Variants in CPA6 observed in about 807,000 individuals in gnomAD.
CPA6 encodes carboxypeptidase B.
Under a neutral mutation model 63.3 loss-of-function variants are expected in CPA6, and 58 were observed. The observed-to-expected ratio is 0.92, with a 90% confidence interval of 0.74 to 1.14. CPA6 has a LOEUF of 1.14. Among genes scored for constraint, CPA6 ranks in the 50% most tolerant of loss-of-function variants. The pLI is 0.00. For synonymous variants in CPA6, 185 were observed against 179.0 expected (o/e 1.03, Z -0.27); for missense variants, 565 against 526.6 (o/e 1.07, Z -0.71).
chr8:67,567,239 T>G (rs1402446337), intron 2 of CPA6, among the ~76,000 whole-genome samples: 1 of 152,200 alleles, frequency 6.6e-6, no homozygotes, highest in Non-Finnish European at 1.5e-5. Flanking sequence ...TACATGGGCC[T>G]GGCCAGGGCA....
intron 1 of CPA6, among the ~76,000 whole-genome samples, chr8:67,678,264 A>ACACACACAC (rs1456845314): frequency 6.3e-5 from 7 of 110,686 alleles, no homozygotes; most frequent in Non-Finnish European, 1.2e-4. Flanking sequence ...CACACACACA[A>ACACACACAC]ACCCTGATGA....
At chr8:67,542,614 T>C (rs909784703) in intron 2 of CPA6, among the ~76,000 whole-genome samples, 1 of 152,242 alleles carries the variant, frequency 6.6e-6, no homozygotes, top group African/African-American at 2.4e-5. Flanking sequence ...TTTGCCATGA[T>C]TGGTAATTTA....
chr8:67,543,004 TC>T (rs1288260458), intron 2 of CPA6, among the ~76,000 whole-genome samples: 1 of 152,258 alleles, frequency 6.6e-6, no homozygotes, highest in Non-Finnish European at 1.5e-5. Flanking sequence ...TTTGTAGTAT[TC>T]GTTAAGAACT....
chr8:67,508,260 A>G (rs1168852999), intron 5 of CPA6, among the ~76,000 whole-genome samples: 1 of 152,080 alleles, frequency 6.6e-6, no homozygotes, highest in East Asian at 1.9e-4. Flanking sequence ...TTCAGAAGAA[A>G]AAATGGTCAG....
At chr8:67,597,414 T>C (rs1378423601) in intron 2 of CPA6, among the ~76,000 whole-genome samples, 2 of 152,156 alleles carry the variant, frequency 1.3e-5, no homozygotes, top group African/African-American at 4.8e-5. Flanking sequence ...CAGGAGAGTC[T>C]CGATCTCTTG....
At chr8:67,632,155 TG>T (rs1278587389) in intron 1 of CPA6, among the ~76,000 whole-genome samples, 999 of 76,046 alleles carry the variant, frequency 0.013, 13 homozygotes, top group African/African-American at 0.069. Flanking sequence ...ATGCTGTGTG[TG>T]TGTGTGTGTG....
chr8:67,540,166 G>A (rs1378087545), intron 2 of CPA6, among the ~76,000 whole-genome samples: 2 of 151,644 alleles, frequency 1.3e-5, no homozygotes, highest in African/African-American at 4.8e-5. Context: ...TGATGTTGGT[G>A]ACCTTTGGAT....
At chr8:67,467,644 C>A (rs979679417) in intron 8 of CPA6, among the ~76,000 whole-genome samples, 1 of 152,128 alleles carries the variant, frequency 6.6e-6, no homozygotes, top group Non-Finnish European at 1.5e-5. Context: ...GCTGTAGTTT[C>A]CTAACCAGTC....
At chr8:67,478,961 C>T (rs575620265) in intron 8 of CPA6, among the ~76,000 whole-genome samples, 2 of 152,156 alleles carry the variant, frequency 1.3e-5, no homozygotes, top group South Asian at 4.1e-4. Flanking sequence ...GCAGAGTTTG[C>T]AGTAAATTGA....
At chr8:67,554,935 T>A (rs1813026556) in intron 2 of CPA6, among the ~76,000 whole-genome samples, 1 of 152,142 alleles carries the variant, frequency 6.6e-6, no homozygotes. Context: ...ACCCCCACAG[T>A]CACACCTGGG....
intron 2 of CPA6, among the ~76,000 whole-genome samples, chr8:67,566,630 C>A (rs935358746): frequency 1.3e-5 from 2 of 152,158 alleles, no homozygotes; most frequent in Non-Finnish European, 2.9e-5. Flanking sequence ...TTTCTCTACC[C>A]AAAGTGGACA....
At chr8:67,424,342 AAACCGGTC>A (rs1809837349) in intron 10 of CPA6, among the ~76,000 whole-genome samples, 1 of 152,178 alleles carries the variant, frequency 6.6e-6, no homozygotes, top group Non-Finnish European at 1.5e-5. Flanking sequence ...GTCTTCCATG[AAACCGGTC>A]CCTGGTGCCA....
chr8:67,468,024 C>T (rs1038437149), intron 8 of CPA6, among the ~76,000 whole-genome samples: 2 of 151,536 alleles, frequency 1.3e-5, no homozygotes, highest in Non-Finnish European at 2.9e-5. Context: ...TGCCACTGCA[C>T]TCCAGCCTGG....
At chr8:67,449,844 C>T (rs183500764) in intron 8 of CPA6, among the ~76,000 whole-genome samples, 13 of 128,504 alleles carry the variant, frequency 1.0e-4, no homozygotes, top group South Asian at 2.5e-4. Context: ...CAGAGTCTTG[C>T]TCTATCCCCC....
At chr8:67,580,000 C>T (rs932964703) in intron 2 of CPA6, among the ~76,000 whole-genome samples, 1 of 152,096 alleles carries the variant, frequency 6.6e-6, no homozygotes, top group African/African-American at 2.4e-5. Context: ...AAACTTTTGC[C>T]TGAAAGGAAT....
At chr8:67,651,165 C>G (rs1815828026) in intron 1 of CPA6, among the ~76,000 whole-genome samples, 1 of 152,128 alleles carries the variant, frequency 6.6e-6, no homozygotes, top group African/African-American at 2.4e-5. Context: ...AAGGTCTTTG[C>G]TTTCCTTCAG....
chr8:67,526,722 C>T (rs1306740864), intron 2 of CPA6, among the ~76,000 whole-genome samples: 1 of 152,090 alleles, frequency 6.6e-6, no homozygotes, highest in Admixed American at 6.5e-5. Flanking sequence ...TGCTGGTCCA[C>T]CCAGGAGAAA....
chr8:67,600,913 T>C (rs1427971053), intron 2 of CPA6, among the ~76,000 whole-genome samples: 1 of 152,340 alleles, frequency 6.6e-6, no homozygotes, highest in East Asian at 1.9e-4. Flanking sequence ...TATTTTTATA[T>C]AACTGAATAA....
At chr8:67,448,368 T>C (rs1040816739) in intron 8 of CPA6, among the ~76,000 whole-genome samples, 4 of 151,968 alleles carry the variant, frequency 2.6e-5, no homozygotes, top group African/African-American at 9.7e-5. Flanking sequence ...TTTTTGGTCT[T>C]GGTTAAGAAA....
Sources: gnomAD v4.1 joint callset for allele counts (sites outside exome capture counted in the v4.1 genomes callset) on GRCh38, gnomAD v4.1.1 for gene constraint, MANE v1.5 for transcripts, NCBI Gene and HGNC (gene_info 2026-07-23, HGNC 2026-07-21) for gene names.